TTC34: variants seen among roughly 807,000 people sequenced by gnomAD.
The protein encoded by TTC34 is tetratricopeptide repeat protein 34.
In TTC34, 44 loss-of-function variants were observed where a neutral mutation model predicts 40.7. That is an observed-to-expected ratio of 1.08 (90% CI 0.85 to 1.39). The LOEUF is 1.39. Among genes scored for constraint, TTC34 ranks in the 40% most tolerant of loss-of-function variants. The probability of loss-of-function intolerance (pLI) is 0.00; values close to 1 mark genes in which losing one functional copy is unlikely to be tolerated. For missense variants in TTC34, 884 were observed against 838.0 expected (o/e 1.05, Z -0.68); for synonymous variants, 422 against 398.6 (o/e 1.06, Z -0.70).
At chr1:2,651,820 G>A (rs866100415) in intron 6 of TTC34, among the ~76,000 whole-genome samples, 3 of 151,518 alleles carry the variant, frequency 2.0e-5, no homozygotes, top group South Asian at 4.2e-4. Context: ...GGTGATCATC[G>A]GACAGCCTGG....
chr1:2,655,915 G>A (rs59965604), intron 6 of TTC34, among the ~76,000 whole-genome samples: 195 of 130,646 alleles, frequency 1.5e-3, no homozygotes, highest in African/African-American at 5.3e-3. Context: ...GCATCTGACA[G>A]CGTGGAGCAG....
chr1:2,654,050 C>A (rs1570757780), intron 6 of TTC34, among the ~76,000 whole-genome samples: 4 of 149,592 alleles, frequency 2.7e-5, no homozygotes, highest in African/African-American at 7.4e-5. Context: ...GTGCCCACAC[C>A]ACCAGGTGAG....
chr1:2,660,668 C>A (rs1314271609), intron 6 of TTC34, among the ~76,000 whole-genome samples: 1 of 40,254 alleles, frequency 2.5e-5, no homozygotes, highest in Admixed American at 3.1e-4. Context: ...GCAGTGCCCA[C>A]ACACCCAGGC....
chr1:2,667,094 CA>C (rs1392012250), intron 6 of TTC34, among the ~76,000 whole-genome samples: 1 of 12,506 alleles, frequency 8.0e-5, no homozygotes, highest in African/African-American at 1.2e-3. Flanking sequence ...AGTGCCCAAA[CA>C]CCCAGGTGAG....
chr1:2,783,284 C>T (rs1643515389), intron 6 of TTC34, among the ~76,000 whole-genome samples: 1 of 152,178 alleles, frequency 6.6e-6, no homozygotes, highest in Non-Finnish European at 1.5e-5. Flanking sequence ...GGAACATCTC[C>T]TGGCCAACAA....
chr1:2,641,138 TG>T, exon 9 of TTC34: 1 of 221,172 alleles, frequency 4.5e-6, no homozygotes, highest in Non-Finnish European at 7.4e-6. Context: ...GGGGGAGGGC[TG>T]GGAAGGGGTG....
intron 6 of TTC34, among the ~76,000 whole-genome samples, chr1:2,675,088 C>A (rs1195587837): frequency 2.2e-5 from 1 of 44,472 alleles, no homozygotes; most frequent in African/African-American, 6.9e-5. Context: ...CACACCCAGG[C>A]GAGCATCTGA....
intron 6 of TTC34, among the ~76,000 whole-genome samples, chr1:2,694,248 A>T (rs1317089412): frequency 1.6e-5 from 1 of 62,580 alleles, no homozygotes; most frequent in African/African-American, 6.5e-5. Flanking sequence ...AGCATCTGAC[A>T]GCCTGGAGCA....
At chr1:2,694,609 A>C (rs1312922920) in intron 6 of TTC34, among the ~76,000 whole-genome samples, 11 of 26,648 alleles carry the variant, frequency 4.1e-4, no homozygotes, top group African/African-American at 5.6e-4. Flanking sequence ...GAGCATCTGA[A>C]ACCACGGAGC....
intron 6 of TTC34, among the ~76,000 whole-genome samples, chr1:2,750,611 G>A (rs1641286090): frequency 7.2e-5 from 11 of 151,838 alleles, no homozygotes; most frequent in East Asian, 3.9e-4. Context: ...CACACCCACA[G>A]GTGAGCATCT....
intron 6 of TTC34, among the ~76,000 whole-genome samples, chr1:2,783,153 G>A (rs1643511836): frequency 6.6e-6 from 1 of 152,192 alleles, no homozygotes; most frequent in Non-Finnish European, 1.5e-5. Flanking sequence ...TCCGGGGGCT[G>A]CATCCCTGCA....
At chr1:2,789,405 G>C (rs1643633998) in intron 3 of TTC34, 98 bp downstream of exon 3, 4 of 1,246,352 alleles carry the variant, frequency 3.2e-6, no homozygotes, top group Non-Finnish European at 4.3e-6. Flanking sequence ...CACTGCCTCC[G>C]TTCATTCCTT....
chr1:2,783,708 C>T (rs765113335), exon 6 of TTC34: 14 of 1,545,468 alleles, frequency 9.1e-6, no homozygotes, highest in South Asian at 2.4e-5. Flanking sequence ...CGAACATGGC[C>T]GTCTTCTTCT....
intron 6 of TTC34, among the ~76,000 whole-genome samples, chr1:2,699,354 T>G (rs1183582778): frequency 1.7e-5 from 2 of 117,290 alleles, no homozygotes; most frequent in African/African-American, 5.6e-5. Flanking sequence ...TCTGACAGCC[T>G]GGAACAGCAC....
intron 6 of TTC34, among the ~76,000 whole-genome samples, chr1:2,750,686 C>A (rs1641288894): frequency 4.8e-5 from 4 of 83,416 alleles, no homozygotes; most frequent in Admixed American, 1.1e-4. Flanking sequence ...GCACCCTGCA[C>A]CCCCAAGTGA....
intron 6 of TTC34, among the ~76,000 whole-genome samples, chr1:2,750,785 G>A (rs1243815535): frequency 1.4e-5 from 1 of 70,646 alleles, no homozygotes; most frequent in Non-Finnish European, 2.5e-5. Flanking sequence ...GAACATCGGA[G>A]AGTCTGGAGC....
rs1274346801 is a variant in TTC34, at chr1:2,751,581, C to G, written c.2226+32028G>C. The stretch of plus-strand genomic sequence containing the variant: ...CAGCACGCACACCCCCAGGTGCGCA[C>G]GTGACAGCCTGCAACAGCACCCACA... On this transcript the variant is annotated intron_variant, in intron 6 of 8. Transcript: ENST00000401095. Among the ~76,000 whole-genome samples, 3 of 18,848 alleles carry G rather than the reference C, an allele frequency of 1.6e-4. No individual in the cohort carries two copies. In the East Asian group the frequency reaches 6.7e-3, roughly 42 times the overall value. The allele number at this position is 18,848 out of a possible 152,430, so 12.4% of individuals were successfully genotyped here. A position where few individuals can be genotyped will look rare whatever the true frequency, so the allele number is the denominator to read the frequency against.
intron 6 of TTC34, among the ~76,000 whole-genome samples, chr1:2,685,730 C>A (rs1570811914): frequency 6.9e-6 from 1 of 145,680 alleles, no homozygotes; most frequent in Non-Finnish European, 1.5e-5. Context: ...CCCAGGTGCG[C>A]ATCTGATGGT....
intron 6 of TTC34, among the ~76,000 whole-genome samples, chr1:2,756,928 C>T (rs1641525999): frequency 2.2e-4 from 33 of 151,846 alleles, no homozygotes; most frequent in Non-Finnish European, 3.8e-4. Context: ...CATCTGACAG[C>T]CTGGAACAGA....
Sources: allele counts gnomAD v4.1 joint callset (sites outside exome capture counted in the v4.1 genomes callset), GRCh38; gene constraint gnomAD v4.1.1; transcripts MANE v1.5; gene names NCBI Gene and HGNC (gene_info 2026-07-23, HGNC 2026-07-21).